The following LRP1B variants were observed in gnomAD, a reference collection of about 807,000 sequenced individuals.
The protein encoded by LRP1B is LDL receptor related protein 1B.
A neutral mutation model predicts 556.6 loss-of-function variants in LRP1B; 217 were observed. The ratio of observed to expected loss-of-function variants is 0.39; its 90% CI spans 0.35 to 0.44. The LOEUF is 0.44. LRP1B is among the 20% of genes least tolerant of loss of function. LRP1B has a pLI of 1.00. For synonymous variants in LRP1B, 2,047 were observed against 1,865.8 expected (o/e 1.10, Z -2.50); for missense variants, 5,053 against 5,620.8 (o/e 0.90, Z 3.23).
intron 7 of LRP1B, among the ~76,000 whole-genome samples, chr2:141,178,730 C>A (rs754903648): frequency 6.6e-6 from 1 of 152,074 alleles, no homozygotes; most frequent in East Asian, 1.9e-4. Flanking sequence ...CATTGACTTG[C>A]ATCCAGTTAT....
At chr2:142,095,919 T>C (rs1706348029) in intron 1 of LRP1B, among the ~76,000 whole-genome samples, 1 of 151,694 alleles carries the variant, frequency 6.6e-6, no homozygotes, top group Admixed American at 6.6e-5. Context: ...CAGGATCCGA[T>C]ATGAAATTAG....
At chr2:141,641,120 T>C (rs1003811222) in intron 2 of LRP1B, among the ~76,000 whole-genome samples, 2 of 152,180 alleles carry the variant, frequency 1.3e-5, no homozygotes, top group Non-Finnish European at 2.9e-5. Flanking sequence ...TCTTTCCCCC[T>C]CTGTACTGAG....
At chr2:140,541,658 C>T (rs1680136933) in intron 44 of LRP1B, 121 bp downstream of exon 44, 3 of 808,602 alleles carry the variant, frequency 3.7e-6, no homozygotes, top group Non-Finnish European at 5.5e-6. Context: ...GTCATAGTAA[C>T]AAAAAATAAT....
chr2:141,410,572 G>A (rs966486234), intron 3 of LRP1B, among the ~76,000 whole-genome samples: 26 of 152,000 alleles, frequency 1.7e-4, no homozygotes, highest in African/African-American at 1.4e-4. Context: ...ATGCATGCAC[G>A]AAATGATGGC....
At chr2:141,000,403 A>T (rs1035080227) in intron 15 of LRP1B, among the ~76,000 whole-genome samples, 9 of 152,094 alleles carry the variant, frequency 5.9e-5, no homozygotes. Flanking sequence ...CAATTAAGAC[A>T]ATTTTTCAGT....
intron 19 of LRP1B, 106 bp downstream of exon 19, chr2:140,951,754 G>A: frequency 2.5e-6 from 2 of 789,128 alleles, no homozygotes; most frequent in East Asian, 2.6e-5. Flanking sequence ...CGTTTTTCTT[G>A]GCTCTGCAAG....
chr2:140,351,497 A>T (rs975543457), intron 76 of LRP1B, among the ~76,000 whole-genome samples: 2 of 152,098 alleles, frequency 1.3e-5, no homozygotes, highest in Admixed American at 6.5e-5. Context: ...CTCTTACTGT[A>T]TTTATACATC....
intron 2 of LRP1B, among the ~76,000 whole-genome samples, chr2:141,538,401 TCTTTC>T (rs1460345052): frequency 6.6e-6 from 1 of 152,154 alleles, no homozygotes; most frequent in Non-Finnish European, 1.5e-5. Flanking sequence ...CTTTAACTGC[TCTTTC>T]CTGGAATCAC....
intron 43 of LRP1B, among the ~76,000 whole-genome samples, chr2:140,595,106 A>ATC (rs1558992119): frequency 1.4e-4 from 6 of 42,444 alleles, no homozygotes; most frequent in African/African-American, 3.1e-4. Flanking sequence ...ATATATATAT[A>ATC]TATATATATA....
intron 2 of LRP1B, among the ~76,000 whole-genome samples, chr2:141,527,610 C>G (rs1684732582): frequency 6.6e-6 from 1 of 152,088 alleles, no homozygotes. Context: ...GACCTACATT[C>G]TAGACCTCCT....
chr2:140,857,860 T>A (rs992844144), intron 27 of LRP1B, among the ~76,000 whole-genome samples: 3 of 152,114 alleles, frequency 2.0e-5, no homozygotes, highest in Non-Finnish European at 4.4e-5. Flanking sequence ...ACCAACTAAC[T>A]TTCAGTCGTT....
At chr2:141,385,801 T>C (rs745958138) in intron 3 of LRP1B, among the ~76,000 whole-genome samples, 1 of 152,188 alleles carries the variant, frequency 6.6e-6, no homozygotes, top group Non-Finnish European at 1.5e-5. Flanking sequence ...TAGGTGGAGA[T>C]TGAAAACCTG....
At chr2:140,482,030 T>C (rs1217461543) in intron 59 of LRP1B, among the ~76,000 whole-genome samples, 1 of 152,186 alleles carries the variant, frequency 6.6e-6, no homozygotes, top group East Asian at 1.9e-4. Context: ...CTGATCCCAG[T>C]TGAGACAGAA....
intron 35 of LRP1B, among the ~76,000 whole-genome samples, chr2:140,756,391 G>T (rs975291608): frequency 6.6e-6 from 1 of 151,964 alleles, no homozygotes; most frequent in African/African-American, 2.4e-5. Context: ...CTTGAAAAAT[G>T]AGAACAAAGT....
At position 142,107,185 on chromosome 2, in the gene LRP1B, T is replaced by C. The variant is rs1706776138; in HGVS notation, c.82+23463A>G. 2.0e-5 allele frequency among the ~76,000 whole-genome samples: 3 copies of C among 152,304 alleles called. No homozygotes were observed. In the South Asian group the frequency reaches 6.2e-4, roughly 32 times the overall value. On this transcript the variant is annotated intron_variant, in intron 1 of 90. Coordinates refer to ENST00000389484, the MANE Select transcript of LRP1B (RefSeq NM_018557.3). ...CAGTTTCTGGGTTAAAATAAAATTA[T>C]ACTGCTCAAAAAGGTTGATGCTATG...
chr2:141,228,551 A>G (rs1683340039), intron 6 of LRP1B, among the ~76,000 whole-genome samples: 1 of 146,942 alleles, frequency 6.8e-6, no homozygotes, highest in South Asian at 2.2e-4. Context: ...GAGAGAGAAT[A>G]TGTGTGCATC....
At chr2:141,318,746 A>T (rs1452224930) in intron 3 of LRP1B, among the ~76,000 whole-genome samples, 1 of 152,096 alleles carries the variant, frequency 6.6e-6, no homozygotes, top group African/African-American at 2.4e-5. Context: ...TTCTAAATTA[A>T]CCATGAAGTC....
chr2:141,939,916 C>T (rs2105012220), intron 1 of LRP1B, among the ~76,000 whole-genome samples: 1 of 152,172 alleles, frequency 6.6e-6, no homozygotes, highest in South Asian at 2.1e-4. Flanking sequence ...AATGGACAAG[C>T]TTATGAAAAT....
In LRP1B at chr2:140,923,003, A is replaced by G; in HGVS notation, c.3281T>C (p.Leu1094Ser). 1 of 1,612,770 alleles carries G rather than the reference A, an allele frequency of 6.2e-7. No individual in the cohort carries two copies. Among genetic ancestry groups the G allele is most frequent in the Non-Finnish European group, 8.5e-7 (1 of 1,179,216 alleles). Residue 1094 changes from leucine to serine, a missense_variant, in exon 21 of 91, where the codon TTG becomes TCG. By Grantham distance (145) the Leu-to-Ser change is moderately radical. This residue lies in a region of LRP1B where 3,619 missense variants were observed against 3,931.9 expected (regional missense o/e 0.92). Coordinates refer to ENST00000389484, the MANE Select transcript of LRP1B (RefSeq NM_018557.3). ...GGAAAACTTGGTTTTGTGGTCACAC[A>G]ATCGTATGGTACCATTGCAACCTTT... ...DEKGCNGTIR[L>S]CDHKTKFSCW...
Sources: gnomAD v4.1 joint callset for allele counts (sites outside exome capture counted in the v4.1 genomes callset) on GRCh38, gnomAD v4.1.1 for gene constraint, gnomAD v4.1.1 regional missense constraint, MANE v1.5 for transcripts, NCBI Gene and HGNC (gene_info 2026-07-23, HGNC 2026-07-21) for gene names.